ARGLU1: variants seen among roughly 807,000 people sequenced by gnomAD.
ARGLU1 encodes arginine and glutamate-rich protein 1.
A neutral mutation model predicts 37.6 loss-of-function variants in ARGLU1; 9 were observed. That is an observed-to-expected ratio of 0.24 (90% CI 0.14 to 0.42). The LOEUF (loss-of-function observed/expected upper bound fraction) is 0.42, where lower values mean the gene tolerates loss of function less well. Ranked by LOEUF, ARGLU1 falls within the 10% of genes least tolerant of loss-of-function variation. The probability of loss-of-function intolerance (pLI) is 1.00; values close to 1 mark genes in which losing one functional copy is unlikely to be tolerated. For missense variants in ARGLU1, 211 were observed against 359.2 expected (o/e 0.59, Z 3.34); for synonymous variants, 166 against 138.5 (o/e 1.20, Z -1.39).
intron 1 of ARGLU1, among the ~76,000 whole-genome samples, chr13:106,562,125 T>C (rs1339923509): frequency 6.6e-6 from 1 of 152,180 alleles, no homozygotes. Context: ...AAAATGAAGC[T>C]TTGCAACAGG....
intron 3 of ARGLU1, among the ~76,000 whole-genome samples, chr13:106,551,994 C>G (rs1416243791): frequency 6.6e-6 from 1 of 152,190 alleles, no homozygotes; most frequent in East Asian, 1.9e-4. Flanking sequence ...TATATGGGCA[C>G]ATTCAAATTC....
intron 3 of ARGLU1, 66 bp downstream of exon 3, chr13:106,556,982 C>G (rs1880676095): frequency 2.1e-6 from 3 of 1,424,412 alleles, no homozygotes. Context: ...AAAATCAATC[C>G]ACAAAATCCG....
intron 2 of ARGLU1, 84 bp downstream of exon 2, chr13:106,559,348 C>T (rs777978795): frequency 2.5e-6 from 4 of 1,580,538 alleles, no homozygotes; most frequent in Non-Finnish European, 3.4e-6. Context: ...TATTCCATCT[C>T]TTTCTGAACT....
At chr13:106,565,728 T>C (rs1451320666) in intron 1 of ARGLU1, among the ~76,000 whole-genome samples, 4 of 152,214 alleles carry the variant, frequency 2.6e-5, no homozygotes, top group Non-Finnish European at 4.4e-5. Context: ...ATGCCTATTG[T>C]ACGGCACCCA....
In ARGLU1 at chr13:106,557,948, T is replaced by C; in HGVS notation, c.574-817A>G. 4 of 985,442 alleles carry C rather than the reference T, an allele frequency of 4.1e-6. No individual in the cohort carries two copies. The highest frequency in any genetic ancestry group is 4.8e-6 in the Non-Finnish European group (4 of 829,934). The allele number at this position is 985,442 out of a possible 1,614,324, so 61.0% of individuals were successfully genotyped here. ...AACTGAAACTCAGAAATCCAGGGGA[T>C]GCATGGTCAGGAAATAAAATTCTTC... On this transcript the variant is annotated intron_variant, in intron 2 of 3. Transcript: ENST00000400198. The surrounding 1 kb of genome is among the most constrained non-coding windows in gnomAD (Gnocchi z 5.0).
rs1476849544 is a variant in ARGLU1, at chr13:106,567,692, C to A, written c.228G>T (p.Ser76=). 1.2e-6 allele frequency: 2 copies of A among 1,611,102 alleles called. No homozygotes were observed. Among genetic ancestry groups the A allele is most frequent in the Non-Finnish European group, 1.7e-6 (2 of 1,178,758 alleles). ...AGATGTCGATGCGGTCGGGCGGGGA[C>A]GAGGCGCGCTCCCGGTCCCGCTCGC... ...SRRERDRERA[S]SPPDRIDIFG... is the part of the protein sequence containing the mutation. The change falls in exon 1 of 4, where the codon TCG becomes TCT. Residue 76 remains serine, a synonymous_variant. Transcript: ENST00000400198. The surrounding 1 kb of genome is among the most constrained non-coding windows in gnomAD (Gnocchi z 4.3).
intron 2 of ARGLU1, chr13:106,558,058 T>A: frequency 1.0e-6 from 1 of 985,324 alleles, no homozygotes; most frequent in Non-Finnish European, 1.2e-6. Flanking sequence ...AGTGTTCAGA[T>A]CACAGCATAC....
intron 1 of ARGLU1, among the ~76,000 whole-genome samples, chr13:106,566,269 A>T (rs555076666): frequency 2.4e-4 from 37 of 152,248 alleles, no homozygotes; most frequent in African/African-American, 8.7e-4. Context: ...CTTCCTCTGT[A>T]ATATTAGTGC....
intron 2 of ARGLU1, chr13:106,558,652 T>C (rs1251883406): frequency 4.1e-6 from 4 of 985,340 alleles, no homozygotes; most frequent in Non-Finnish European, 4.8e-6. Flanking sequence ...AGCAAATTAC[T>C]GTCTCACAGA....
chr13:106,550,011 T>G (rs1022365240), intron 3 of ARGLU1, among the ~76,000 whole-genome samples: 2 of 152,248 alleles, frequency 1.3e-5, no homozygotes, highest in African/African-American at 4.8e-5. Flanking sequence ...TTTAATCTTC[T>G]GTATCCTACA....
At chr13:106,558,896 T>G in intron 2 of ARGLU1, 1 of 985,394 alleles carries the variant, frequency 1.0e-6, no homozygotes, top group Non-Finnish European at 1.2e-6. Context: ...TCCATTGTGC[T>G]GAAGCAGGGT....
chr13:106,561,787 A>C (rs577149634), intron 1 of ARGLU1: 8 of 152,350 alleles, frequency 5.3e-5, no homozygotes, highest in African/African-American at 1.9e-4. Context: ...TCATTTCCAT[A>C]GCTTTGGTCA....
intron 1 of ARGLU1, among the ~76,000 whole-genome samples, chr13:106,562,153 C>T (rs2138975278): frequency 6.6e-6 from 1 of 152,302 alleles, no homozygotes; most frequent in South Asian, 2.1e-4. Flanking sequence ...CAGGGTACCA[C>T]AGCAAAACTG....
At chr13:106,559,947 G>A (rs1179009236) in intron 1 of ARGLU1, among the ~76,000 whole-genome samples, 2 of 152,108 alleles carry the variant, frequency 1.3e-5, no homozygotes, top group East Asian at 1.9e-4. Context: ...CAATAAATCC[G>A]GACAGAAAAC....
In ARGLU1 at chr13:106,543,842, AG is replaced by A. The variant is rs1880324529; in HGVS notation, c.*153del. 43 of 542,294 alleles carry A rather than the reference AG, an allele frequency of 7.9e-5. No homozygotes were observed. The highest frequency in any genetic ancestry group is 5.1e-4 in the Middle Eastern group (1 of 1,970). 33.6% of individuals were successfully genotyped at this position (542,294 alleles called of 1,614,324 possible). A position where few individuals can be genotyped will look rare whatever the true frequency, so the allele number is the denominator to read the frequency against. On this transcript the variant is annotated 3_prime_UTR_variant, in exon 4 of 4. Coordinates refer to ENST00000400198, the MANE Select transcript of ARGLU1 (RefSeq NM_018011.4). Reference sequence around the variant, plus strand: ...AGTGGAAGGAAAAAAAAAAAAAAAAAGGGAATTGCAGAGCATAGCCCCTATT... The same window carrying A: ...AGTGGAAGGAAAAAAAAAAAAAAAAAGGAATTGCAGAGCATAGCCCCTATT...
intron 3 of ARGLU1, among the ~76,000 whole-genome samples, chr13:106,549,610 C>T (rs1334338631): frequency 6.6e-6 from 1 of 152,176 alleles, no homozygotes; most frequent in Non-Finnish European, 1.5e-5. Context: ...TCACAGTTAC[C>T]TCCTTAGGGT....
At chr13:106,548,335 T>C (rs1221716001) in intron 3 of ARGLU1, among the ~76,000 whole-genome samples, 2 of 152,188 alleles carry the variant, frequency 1.3e-5, no homozygotes, top group East Asian at 3.9e-4. Flanking sequence ...CTACCCTCTC[T>C]CTGTAGTAAC....
intron 3 of ARGLU1, among the ~76,000 whole-genome samples, chr13:106,548,360 T>C (rs992038736): frequency 6.6e-6 from 1 of 152,186 alleles, no homozygotes; most frequent in African/African-American, 2.4e-5. Flanking sequence ...TCTTTCCTGA[T>C]GACTTGACTT....
chr13:106,559,144 T>G, intron 2 of ARGLU1: 1 of 1,344,624 alleles, frequency 7.4e-7, no homozygotes, highest in Non-Finnish European at 9.7e-7. Flanking sequence ...CAAAAAAGAA[T>G]GTAAGTCCTG....
Sources: gnomAD v4.1 joint callset for allele counts (sites outside exome capture counted in the v4.1 genomes callset) on GRCh38, gnomAD v4.1.1 for gene constraint, Gnocchi (gnomAD v3.1) non-coding constraint, MANE v1.5 for transcripts, NCBI Gene and HGNC (gene_info 2026-07-23, HGNC 2026-07-21) for gene names.